Variants in NUP155 observed in about 807,000 individuals in gnomAD.
NUP155 encodes nuclear pore complex protein Nup155.
A neutral mutation model predicts 180.4 loss-of-function variants in NUP155; 71 were observed. That is an observed-to-expected ratio of 0.39 (90% CI 0.33 to 0.48). The LOEUF (loss-of-function observed/expected upper bound fraction) is 0.48, where lower values mean the gene tolerates loss of function less well. NUP155 is among the 20% of genes least tolerant of loss of function. The pLI, the probability that NUP155 is intolerant of heterozygous loss-of-function variation, is 0.91. For synonymous variants in NUP155, 582 were observed against 559.5 expected (o/e 1.04, Z -0.57); for missense variants, 1,553 against 1,648.9 (o/e 0.94, Z 1.01).
intron 30 of NUP155, among the ~76,000 whole-genome samples, chr5:37,300,224 G>A (rs1742793019): frequency 6.6e-6 from 1 of 152,164 alleles, no homozygotes; most frequent in Non-Finnish European, 1.5e-5. Flanking sequence ...ATACAGTCAT[G>A]CAATGAGAAA....
At chr5:37,329,096 A>G in intron 16 of NUP155, 94 bp downstream of exon 16, 1 of 852,074 alleles carries the variant, frequency 1.2e-6, no homozygotes, top group Non-Finnish European at 2.0e-6. Flanking sequence ...GCAGTAAATA[A>G]AACATAATGA....
At chr5:37,352,526 G>A (rs1241992167) in intron 5 of NUP155, among the ~76,000 whole-genome samples, 1 of 151,928 alleles carries the variant, frequency 6.6e-6, no homozygotes, top group Non-Finnish European at 1.5e-5. Flanking sequence ...CAACAAGAGC[G>A]AAAATCCGTC....
At chr5:37,314,166 T>C in intron 22 of NUP155, 32 bp downstream of exon 22, 4 of 1,480,506 alleles carry the variant, frequency 2.7e-6, no homozygotes, top group South Asian at 1.2e-5. Flanking sequence ...ATAGTATTAA[T>C]GGTATAATCA....
rs34228665 is a variant in NUP155 at position 37,307,942 on chromosome 5, GAAA to G, written c.2768-513_2768-511del. Among the ~76,000 whole-genome samples the G allele has an allele frequency of 7.7e-3, 1,047 of 135,938 alleles. 10 individuals are homozygous for G. The highest frequency in any genetic ancestry group is 0.023 in the Middle Eastern group (6 of 266). The allele number at this position is 135,938 out of a possible 152,430, so 89.2% of individuals were successfully genotyped here. A position where few individuals can be genotyped will look rare whatever the true frequency, so the allele number is the denominator to read the frequency against. The stretch of plus-strand genomic sequence containing the variant: ...GTCTCACAAAAAAAAAAAGAAAAAG[GAAA>G]AAAAAAAATATATATATATATATAT... On this transcript the variant is annotated intron_variant, in intron 24 of 34. Transcript: ENST00000231498.
intron 9 of NUP155, among the ~76,000 whole-genome samples, chr5:37,345,510 CAAAAAAAAAA>C (rs570982659): frequency 1.3e-4 from 9 of 67,130 alleles, no homozygotes; most frequent in Non-Finnish European, 2.1e-4. Context: ...GACTCCATTT[CAAAAAAAAAA>C]AAAAAAAAAA....
Position 37,304,500 on chromosome 5 carries a change from T to C in NUP155, c.3162+239A>G, listed in dbSNP as rs531042722. ...TGACCTACAGGACTCATATTCATAATCCAGTGATTTCTACCCCGCAATACA... is the reference window on the plus strand; with the variant it reads ...TGACCTACAGGACTCATATTCATAACCCAGTGATTTCTACCCCGCAATACA... On this transcript the variant is annotated intron_variant, in intron 27 of 34. Coordinates refer to ENST00000231498, the MANE Select transcript of NUP155 (RefSeq NM_153485.3). 4.6e-5 allele frequency among the ~76,000 whole-genome samples: 7 copies of C among 152,192 alleles called. No individual in the cohort carries two copies. The East Asian group carries it at 5.8e-4, about 13-fold the overall frequency.
At chr5:37,359,953 C>T (rs953961140) in intron 3 of NUP155, among the ~76,000 whole-genome samples, 5 of 151,866 alleles carry the variant, frequency 3.3e-5, no homozygotes, top group African/African-American at 1.2e-4. Flanking sequence ...CCTGTTTCTA[C>T]TAAAAATAGA....
At chr5:37,331,654 C>A in intron 14 of NUP155, 31 bp downstream of exon 14, 1 of 1,232,792 alleles carries the variant, frequency 8.1e-7, no homozygotes, top group African/African-American at 1.5e-5. Flanking sequence ...TTTAAAATAG[C>A]ATCACATTTT....
At chr5:37,331,279 AT>A (rs1744944660) in intron 14 of NUP155, among the ~76,000 whole-genome samples, 1 of 151,960 alleles carries the variant, frequency 6.6e-6, no homozygotes, top group South Asian at 2.1e-4. Context: ...TATTGTTAAG[AT>A]TATCTATTTA....
intron 1 of NUP155, 40 bp downstream of exon 1, chr5:37,370,781 G>A (rs769862472): frequency 2.5e-6 from 4 of 1,613,964 alleles, no homozygotes; most frequent in Middle Eastern, 1.7e-4. Context: ...AGTCAGGCGA[G>A]AGTCCTTTAG....
chr5:37,310,659 G>C lies in NUP155; in HGVS notation c.2521C>G (p.Leu841Val). Reference sequence around the variant, plus strand: ...TTATCTCTGATGTAGCAGTTGATAAGAGAAGCAATTAATGCCCCTGTGAGT... The same window carrying C: ...TTATCTCTGATGTAGCAGTTGATAACAGAAGCAATTAATGCCCCTGTGAGT... ...KELTGALIASLINCYIRDNAA... is the reference protein window; with the variant it reads ...KELTGALIASVINCYIRDNAA... The change falls in exon 23 of 35, where the codon CTT becomes GTT. Residue 841 changes from leucine to valine, a missense_variant. Leu to Val is a conservative substitution (Grantham distance 32, BLOSUM62 1). Coordinates refer to ENST00000231498, the MANE Select transcript of NUP155 (RefSeq NM_153485.3). 6.2e-7 allele frequency: 1 copy of C among 1,613,816 alleles called. No individual in the cohort carries two copies. The highest frequency in any genetic ancestry group is 8.5e-7 in the Non-Finnish European group (1 of 1,179,822).
intron 22 of NUP155, among the ~76,000 whole-genome samples, chr5:37,312,789 C>T (rs1473704801): frequency 6.6e-6 from 1 of 152,082 alleles, no homozygotes; most frequent in African/African-American, 2.4e-5. Context: ...GTGATCATGC[C>T]ACTGCACTCC....
At chr5:37,331,598 C>T in intron 14 of NUP155, 87 bp downstream of exon 14, 1 of 670,510 alleles carries the variant, frequency 1.5e-6, no homozygotes, top group South Asian at 1.8e-5. Flanking sequence ...ATATTTATTA[C>T]AGTATTCCAG....
At position 37,350,277 on chromosome 5, in the gene NUP155, A is replaced by C; in HGVS notation, c.724-12T>G. ...CACCCTGCTTCAGCCTTAAAGAAAA[A>C]AGTAGAAAGACGACTTATAAAAGTA... On this transcript the variant is annotated splice_polypyrimidine_tract_variant and intron_variant, in intron 6 of 34. Coordinates refer to ENST00000231498, the MANE Select transcript of NUP155 (RefSeq NM_153485.3). 1.3e-6 allele frequency: 2 copies of C among 1,577,092 alleles called. No homozygotes were observed. The highest frequency in any genetic ancestry group is 1.7e-6 in the Non-Finnish European group (2 of 1,146,776).
rs905358008 is a variant in NUP155, at chr5:37,311,539, C to T, written c.2437-796G>A. ...AACAAAACCACCAACAAAAGCCACA[C>T]TATTCATTGGACACTAGTGGAAAGA... On this transcript the variant is annotated intron_variant, in intron 22 of 34. Coordinates refer to ENST00000231498, the MANE Select transcript of NUP155 (RefSeq NM_153485.3). 2.0e-5 allele frequency among the ~76,000 whole-genome samples: 3 copies of T among 152,020 alleles called. No homozygotes were observed. The East Asian group carries it at 5.8e-4, about 29-fold the overall frequency.
rs1289180343 is a variant in NUP155, at chr5:37,298,888, G to A, written c.3773C>T (p.Thr1258Ile). The change falls in exon 32 of 35, where the codon ACA becomes ATA. Residue 1258 changes from threonine (T) to isoleucine (I), a missense_variant. Transcript: ENST00000231498. ...CTTACCTAAAGGAAAGAAGCGTGGT[G>A]TGCCAGCATAAATTTTGCCAAGGAG... ...IVLLGKIYAG[T>I]PRFFPLDFIV... The A allele has an allele frequency of 1.2e-6, 2 of 1,605,148 alleles. No homozygotes were observed. Among genetic ancestry groups the A allele is most frequent in the Non-Finnish European group, 1.7e-6 (2 of 1,171,902 alleles).
chr5:37,295,783 C>G (rs1465009424), intron 32 of NUP155, among the ~76,000 whole-genome samples: 3 of 151,490 alleles, frequency 2.0e-5, no homozygotes, highest in African/African-American at 7.3e-5. Flanking sequence ...ACCGCCCTGT[C>G]TGAGAAGTGA....
In NUP155 at chr5:37,310,721, A is replaced by G; in HGVS notation, c.2459T>C (p.Ile820Thr). The part of the protein sequence containing the change: ...LQKELQEQLK[I>T]TTFKDLVIRD... ...GATTACAAGATCTTTAAAGGTGGTG[A>G]TCTTCAGCTGCTCTTGAAGTTCCTA... The change falls in exon 23 of 35, where the codon ATC (isoleucine) becomes ACC (threonine). Residue 820 changes from isoleucine (I) to threonine (T), a missense_variant. By Grantham distance (89) the Ile-to-Thr change is moderately conservative. Coordinates refer to ENST00000231498, the MANE Select transcript of NUP155 (RefSeq NM_153485.3). The G allele has an allele frequency of 6.2e-7, 1 of 1,613,726 alleles. No homozygotes were observed. The highest frequency in any genetic ancestry group is 1.1e-5 in the South Asian group (1 of 91,060).
At chr5:37,303,474 T>G (rs1742975869) in intron 27 of NUP155, 60 bp from the exon 28 acceptor site, 2 of 1,388,990 alleles carry the variant, frequency 1.4e-6, no homozygotes, top group Admixed American at 3.5e-5. Context: ...ATGTTCCTGA[T>G]AAGGAAAATA....
Sources: allele counts gnomAD v4.1 joint callset (sites outside exome capture counted in the v4.1 genomes callset), GRCh38; gene constraint gnomAD v4.1.1; transcripts MANE v1.5; gene names NCBI Gene and HGNC (gene_info 2026-07-23, HGNC 2026-07-21).